The following GPR176 variants were observed in gnomAD, a reference collection of about 807,000 sequenced individuals.
The protein encoded by GPR176 is G-protein coupled receptor 176.
A neutral mutation model predicts 35.4 loss-of-function variants in GPR176; 26 were observed. The ratio of observed to expected loss-of-function variants is 0.74; its 90% confidence interval spans 0.54 to 1.02. The LOEUF is 1.02. Ranked by LOEUF, GPR176 falls within the 50% of genes least tolerant of loss-of-function variation. The pLI, the probability that GPR176 is intolerant of heterozygous loss-of-function variation, is 0.00. For synonymous variants in GPR176, 278 were observed against 271.3 expected (o/e 1.02, Z -0.24); for missense variants, 597 against 665.3 (o/e 0.90, Z 1.13).
rs1201911723 is a variant in GPR176, at chr15:39,802,183, A to T, written c.497T>A (p.Ile166Asn). 3 of 1,613,952 alleles carry T rather than the reference A, an allele frequency of 1.9e-6. No individual in the cohort carries two copies. Among genetic ancestry groups the T allele is most frequent in the Non-Finnish European group, 2.5e-6 (3 of 1,179,922 alleles). ...ACTGGCCACCACTGCATGGGCCCAG[A>T]TGTACATCACCAGTTCACGGGACTT... ...DAKSRELVMYIWAHAVVASVP... is the reference protein window; with the variant it reads ...DAKSRELVMYNWAHAVVASVP... Residue 166 changes from isoleucine to asparagine, a missense_variant, in exon 3 of 3, where the codon ATC becomes AAC. This residue lies in a region of GPR176 where 220 missense variants were observed against 297.6 expected (regional missense o/e 0.74). Coordinates refer to ENST00000561100, the MANE Select transcript of GPR176 (RefSeq NM_007223.3).
intron 1 of GPR176, among the ~76,000 whole-genome samples, chr15:39,820,851 C>T (rs139241362): frequency 1.3e-5 from 2 of 152,290 alleles, no homozygotes; most frequent in East Asian, 3.9e-4. Context: ...AGCAAAACAA[C>T]AGGGAGACTT....
At chr15:39,879,802 A>G (rs558849971) in intron 1 of GPR176, among the ~76,000 whole-genome samples, 46 of 152,306 alleles carry the variant, frequency 3.0e-4, no homozygotes, top group African/African-American at 1.1e-3. Flanking sequence ...CTATATTTAT[A>G]TAAAATCCAG....
intron 1 of GPR176, among the ~76,000 whole-genome samples, chr15:39,833,409 C>G (rs1056890654): frequency 6.6e-6 from 1 of 152,142 alleles, no homozygotes; most frequent in Admixed American, 6.6e-5. Context: ...CAAAAGGCCA[C>G]ATATTGTACA....
intron 1 of GPR176, among the ~76,000 whole-genome samples, chr15:39,866,471 C>T (rs766626902): frequency 6.6e-5 from 10 of 152,040 alleles, no homozygotes; most frequent in Non-Finnish European, 5.9e-5. Context: ...TTTTGAACAC[C>T]GTACATCCTT....
At chr15:39,824,392 CCTCA>C (rs1447367374) in intron 1 of GPR176, among the ~76,000 whole-genome samples, 2 of 152,256 alleles carry the variant, frequency 1.3e-5, no homozygotes, top group African/African-American at 2.4e-5. Flanking sequence ...TCTACCTCAT[CCTCA>C]CTAAGTTTAC....
chr15:39,873,812 T>C (rs1025324764), intron 1 of GPR176, among the ~76,000 whole-genome samples: 2 of 151,972 alleles, frequency 1.3e-5, no homozygotes, highest in Non-Finnish European at 2.9e-5. Context: ...TCTATTCTTG[T>C]CCCCCTTTTG....
chr15:39,856,619 T>A (rs938964040), intron 1 of GPR176, among the ~76,000 whole-genome samples: 1 of 152,228 alleles, frequency 6.6e-6, no homozygotes, highest in Non-Finnish European at 1.5e-5. Context: ...TCTGAACACA[T>A]GGCAGCTGAC....
At chr15:39,857,082 T>C (rs539579023) in intron 1 of GPR176, among the ~76,000 whole-genome samples, 3 of 152,216 alleles carry the variant, frequency 2.0e-5, no homozygotes, top group Non-Finnish European at 2.9e-5. Flanking sequence ...TCTAACTGTA[T>C]ATAGCTCACA....
At position 39,844,545 on chromosome 15, in the gene GPR176, A is replaced by C. The variant is rs533001257; in HGVS notation, c.173-37287T>G. ...AGAAATCTTCTTTCAATCTGTTCCG[A>C]GGACCTAATGGGAGCCCCCAACCCC... On this transcript the variant is annotated intron_variant, in intron 1 of 2. Coordinates refer to ENST00000561100, the MANE Select transcript of GPR176 (RefSeq NM_007223.3). Among the ~76,000 whole-genome samples the C allele has an allele frequency of 2.9e-3, 444 of 152,092 alleles. 2 individuals are homozygous for C. Among genetic ancestry groups the C allele is most frequent in the African/African-American group, 0.01 (424 of 41,496 alleles).
chr15:39,806,750 G>T (rs936996678), intron 2 of GPR176, among the ~76,000 whole-genome samples: 4 of 152,180 alleles, frequency 2.6e-5, no homozygotes, highest in Non-Finnish European at 5.9e-5. Flanking sequence ...CCATGATCTA[G>T]CAGCTCTGCC....
At chr15:39,882,576 G>A (rs905781748) in intron 1 of GPR176, among the ~76,000 whole-genome samples, 2 of 152,192 alleles carry the variant, frequency 1.3e-5, no homozygotes, top group African/African-American at 4.8e-5. Context: ...GAAATAACCA[G>A]CTATGTTTGC....
At chr15:39,918,286 T>C (rs1207036488) in intron 1 of GPR176, among the ~76,000 whole-genome samples, 1 of 152,230 alleles carries the variant, frequency 6.6e-6, no homozygotes, top group Non-Finnish European at 1.5e-5. Flanking sequence ...CGATTTGCTA[T>C]GTCTTTTACA....
At chr15:39,840,874 T>C (rs773771254) in intron 1 of GPR176, among the ~76,000 whole-genome samples, 1 of 152,176 alleles carries the variant, frequency 6.6e-6, no homozygotes, top group Non-Finnish European at 1.5e-5. Flanking sequence ...ATTTAATGTG[T>C]GGTAATACAT....
chr15:39,874,056 T>C (rs1253860234), intron 1 of GPR176, among the ~76,000 whole-genome samples: 1 of 152,242 alleles, frequency 6.6e-6, no homozygotes, highest in Admixed American at 6.5e-5. Flanking sequence ...GGTTAGGTAT[T>C]GAGAAGATGT....
rs117035152 is a variant in GPR176 at position 39,910,222 on chromosome 15, T to C, written c.172+9633A>G. ...TGTAAATGTAAGGCTAATGCAATAC[T>C]CTTGGTTGGGAGTTACCACATTGGA... On this transcript the variant is annotated intron_variant, in intron 1 of 2. Coordinates refer to ENST00000561100, the MANE Select transcript of GPR176 (RefSeq NM_007223.3). Among the ~76,000 whole-genome samples the C allele has an allele frequency of 2.0e-3, 311 of 152,350 alleles. 12 individuals carry two copies. The East Asian group carries it at 0.046, about 22-fold the overall frequency.
At chr15:39,819,430 A>G (rs1199838876) in intron 1 of GPR176, among the ~76,000 whole-genome samples, 2 of 152,232 alleles carry the variant, frequency 1.3e-5, no homozygotes, top group African/African-American at 2.4e-5. Context: ...ATGGTTTTAT[A>G]TCTAGGGGTT....
intron 1 of GPR176, among the ~76,000 whole-genome samples, chr15:39,845,578 TG>T (rs1379859837): frequency 2.6e-5 from 4 of 151,932 alleles, no homozygotes; most frequent in African/African-American, 9.7e-5. Context: ...TAATTTAGTC[TG>T]GGGTAAAACT....
At chr15:39,876,116 A>T (rs1043300602) in intron 1 of GPR176, among the ~76,000 whole-genome samples, 5 of 151,980 alleles carry the variant, frequency 3.3e-5, no homozygotes, top group Non-Finnish European at 7.4e-5. Flanking sequence ...CTGCCACTGC[A>T]CTCCAGCCTG....
At chr15:39,859,706 G>A (rs1433741107) in intron 1 of GPR176, among the ~76,000 whole-genome samples, 1 of 152,196 alleles carries the variant, frequency 6.6e-6, no homozygotes, top group Admixed American at 6.5e-5. Context: ...AAATCGGCCA[G>A]TCACACAAAG....
Sources: gnomAD v4.1 joint callset for allele counts (sites outside exome capture counted in the v4.1 genomes callset) on GRCh38, gnomAD v4.1.1 for gene constraint, gnomAD v4.1.1 regional missense constraint, MANE v1.5 for transcripts, NCBI Gene and HGNC (gene_info 2026-07-23, HGNC 2026-07-21) for gene names.